Variants in CDH18 observed in about 807,000 individuals in gnomAD.
The protein encoded by CDH18 is cadherin 18, also known as cadherin-18.
In CDH18, 31 loss-of-function variants were observed where a neutral mutation model predicts 67.9. The observed-to-expected ratio is 0.46, with a 90% CI of 0.34 to 0.62. The LOEUF (loss-of-function observed/expected upper bound fraction) is 0.62. CDH18 is among the 20% of genes least tolerant of loss of function. CDH18 has a pLI of 0.01. For synonymous variants in CDH18, 362 were observed against 347.2 expected (o/e 1.04, Z -0.48); for missense variants, 890 against 975.5 (o/e 0.91, Z 1.17).
intron 4 of CDH18, among the ~76,000 whole-genome samples, chr5:19,732,145 C>T (rs1404107028): frequency 6.6e-6 from 1 of 150,442 alleles, no homozygotes; most frequent in Non-Finnish European, 1.5e-5. Context: ...AGGCCTAGTG[C>T]CTTCCCATAA....
rs935327085 is a variant in CDH18 at position 19,681,493 on chromosome 5, T to A, written c.643+39854A>T. On this transcript the variant is annotated intron_variant, in intron 5 of 12. Coordinates refer to ENST00000382275, the MANE Select transcript of CDH18 (RefSeq NM_004934.5). Reference sequence around the variant, plus strand: ...AATAACTAAAAACTACTTTCTTATATTGTGGCAGTGTCTCAAAAACAACCT... The same window carrying A: ...AATAACTAAAAACTACTTTCTTATAATGTGGCAGTGTCTCAAAAACAACCT... Among the ~76,000 whole-genome samples the A allele has an allele frequency of 3.3e-5, 5 of 152,188 alleles. No individual in the cohort carries two copies. The South Asian group carries it at 1.0e-3, about 32-fold the overall frequency.
intron 5 of CDH18, among the ~76,000 whole-genome samples, chr5:19,634,465 G>A (rs1007609804): frequency 2.6e-5 from 4 of 152,058 alleles, no homozygotes; most frequent in African/African-American, 4.8e-5. Flanking sequence ...TCATTTGGTC[G>A]TAAGGCTATT....
chr5:19,762,848 C>T (rs548734292), intron 3 of CDH18, among the ~76,000 whole-genome samples: 1 of 152,224 alleles, frequency 6.6e-6, no homozygotes, highest in Admixed American at 6.5e-5. Flanking sequence ...GGAACCAACC[C>T]AAATGTCCAT....
intron 2 of CDH18, among the ~76,000 whole-genome samples, chr5:20,068,036 A>G (rs1460958031): frequency 6.6e-6 from 1 of 151,974 alleles, no homozygotes; most frequent in African/African-American, 2.4e-5. Flanking sequence ...ACCTTTTATT[A>G]CAATTTATAA....
intron 4 of CDH18, among the ~76,000 whole-genome samples, chr5:19,728,038 GA>G (rs1000828362): frequency 2.0e-5 from 3 of 151,544 alleles, no homozygotes; most frequent in East Asian, 1.9e-4. Context: ...TAGTAGAAAA[GA>G]AAAAAAATTA....
chr5:20,352,747 G>T (rs1381478812), intron 1 of CDH18, among the ~76,000 whole-genome samples: 1 of 152,002 alleles, frequency 6.6e-6, no homozygotes, highest in African/African-American at 2.4e-5. Context: ...GAGCCAAGAT[G>T]GCGCCACTGC....
chr5:19,935,155 C>A (rs1794100034), intron 2 of CDH18, among the ~76,000 whole-genome samples: 1 of 151,148 alleles, frequency 6.6e-6, no homozygotes, highest in Admixed American at 6.6e-5. Flanking sequence ...CTTTAAGGAC[C>A]CTTACAGTTC....
intron 1 of CDH18, among the ~76,000 whole-genome samples, chr5:20,495,187 C>T (rs1224223478): frequency 6.6e-6 from 1 of 152,026 alleles, no homozygotes; most frequent in East Asian, 1.9e-4. Flanking sequence ...TCTGACAGCT[C>T]ATTCTCTTCC....
intron 9 of CDH18, among the ~76,000 whole-genome samples, chr5:19,532,472 C>T (rs1194379836): frequency 2.0e-5 from 3 of 152,122 alleles, no homozygotes; most frequent in Admixed American, 6.5e-5. Context: ...CTTTAACTTT[C>T]GACAAGATAT....
At chr5:19,810,490 CTT>C (rs925912434) in intron 3 of CDH18, among the ~76,000 whole-genome samples, 12 of 151,876 alleles carry the variant, frequency 7.9e-5, no homozygotes, top group African/African-American at 2.9e-4. Context: ...AGAGATAAAA[CTT>C]AAGAAATTAT....
chr5:19,774,678 C>T (rs998700165), intron 3 of CDH18, among the ~76,000 whole-genome samples: 29 of 150,116 alleles, frequency 1.9e-4, no homozygotes, highest in African/African-American at 2.7e-4. Context: ...AAAAATTAGC[C>T]GTGTGGGGTG....
At chr5:20,542,706 T>C (rs1292805155) in intron 1 of CDH18, among the ~76,000 whole-genome samples, 1 of 152,044 alleles carries the variant, frequency 6.6e-6, no homozygotes, top group Non-Finnish European at 1.5e-5. Context: ...CATTTTACAA[T>C]ATAATGTATT....
chr5:20,124,225 A>G (rs966531937), intron 2 of CDH18, among the ~76,000 whole-genome samples: 1 of 152,142 alleles, frequency 6.6e-6, no homozygotes, highest in African/African-American at 2.4e-5. Context: ...GAACATCAGG[A>G]TATTTCTATT....
chr5:19,917,181 G>C (rs1482332281), intron 2 of CDH18, among the ~76,000 whole-genome samples: 8 of 152,078 alleles, frequency 5.3e-5, no homozygotes, highest in Non-Finnish European at 1.2e-4. Context: ...TATTTTCTAA[G>C]AACTCACAAA....
chr5:20,535,446 C>A (rs1227074983), intron 1 of CDH18, among the ~76,000 whole-genome samples: 2 of 152,024 alleles, frequency 1.3e-5, no homozygotes, highest in Admixed American at 6.6e-5. Flanking sequence ...ACATTTAGCC[C>A]ACCAGTATAA....
chr5:19,595,136 C>T (rs1580397552), intron 6 of CDH18, among the ~76,000 whole-genome samples: 1 of 151,984 alleles, frequency 6.6e-6, no homozygotes, highest in Non-Finnish European at 1.5e-5. Flanking sequence ...CATCTATACA[C>T]ACTAATAAAA....
chr5:20,373,909 T>C (rs1743209200), intron 1 of CDH18, among the ~76,000 whole-genome samples: 1 of 152,180 alleles, frequency 6.6e-6, no homozygotes, highest in Admixed American at 6.5e-5. Context: ...AACACTTTTA[T>C]AAAATTCAGT....
intron 2 of CDH18, among the ~76,000 whole-genome samples, chr5:19,873,711 G>A (rs924286895): frequency 6.6e-5 from 10 of 151,850 alleles, no homozygotes; most frequent in Non-Finnish European, 1.5e-4. Flanking sequence ...GCAGTGGCAC[G>A]ATCTTGGCTC....
chr5:20,457,408 T>C (rs1466727794), intron 1 of CDH18, among the ~76,000 whole-genome samples: 2 of 152,164 alleles, frequency 1.3e-5, no homozygotes, highest in Non-Finnish European at 2.9e-5. Flanking sequence ...CACATTCAAT[T>C]CTCCAAAAAC....
Sources: allele counts gnomAD v4.1 joint callset (sites outside exome capture counted in the v4.1 genomes callset), GRCh38; gene constraint gnomAD v4.1.1; transcripts MANE v1.5; gene names NCBI Gene and HGNC (gene_info 2026-07-23, HGNC 2026-07-21).